LDLRAD2: variants seen among roughly 807,000 people sequenced by gnomAD.
LDLRAD2 encodes low-density lipoprotein receptor class A domain-containing protein 2.
A neutral mutation model predicts 24.9 loss-of-function variants in LDLRAD2; 25 were observed. The observed-to-expected ratio is 1.00, with a 90% CI of 0.73 to 1.40. LDLRAD2 has a LOEUF of 1.40. Ranked by LOEUF, LDLRAD2 falls within the 40% of genes most tolerant of loss-of-function variation. The pLI is 0.00. For synonymous variants in LDLRAD2, 182 were observed against 166.7 expected (o/e 1.09, Z -0.71); for missense variants, 391 against 366.2 (o/e 1.07, Z -0.55).
chr1:21,822,208 C>A lies in LDLRAD2; in HGVS notation c.812C>A (p.Thr271Asn). The A allele has an allele frequency of 6.2e-7, 1 of 1,614,178 alleles. No homozygotes were observed. Among genetic ancestry groups the A allele is most frequent in the Non-Finnish European group, 8.5e-7 (1 of 1,180,010 alleles). Reference sequence around the variant, plus strand: ...TGCTCTGCCCCATCCACAGGCTCCACTGAGTGAAGCCCTCATCAAAGACTC... The same window carrying A: ...TGCTCTGCCCCATCCACAGGCTCCAATGAGTGAAGCCCTCATCAAAGACTC... ...TRQDAALEGS[T>N]E The change falls in exon 5 of 5, where the codon ACT (threonine) becomes AAT (asparagine). Residue 271 changes from threonine to asparagine, a missense_variant. Transcript: ENST00000344642.
In LDLRAD2 at chr1:21,824,458, C is replaced by G; in HGVS notation, c.*2243C>G. Reference sequence around the variant, plus strand: ...AGGCCAGGGGGCTCTGCTTTCCCCTCCCCCCACCACTCCGGCCACCAGGAA... The same window carrying G: ...AGGCCAGGGGGCTCTGCTTTCCCCTGCCCCCACCACTCCGGCCACCAGGAA... On this transcript the variant is annotated 3_prime_UTR_variant, in exon 5 of 5. Coordinates refer to ENST00000344642, the MANE Select transcript of LDLRAD2 (RefSeq NM_001013693.3). The surrounding 1 kb of genome is among the most constrained non-coding windows in gnomAD (Gnocchi z 5.9). The G allele has an allele frequency of 6.3e-7, 1 of 1,591,826 alleles. No homozygotes were observed. The highest frequency in any genetic ancestry group is 8.6e-7 in the Non-Finnish European group (1 of 1,163,184).
At position 21,824,733 on chromosome 1, in the gene LDLRAD2, G is replaced by A. The variant is rs142729334; in HGVS notation, c.*2518G>A. 321 of 1,613,688 alleles carry A rather than the reference G, an allele frequency of 2.0e-4. 1 individual carries two copies. In the African/African-American group the frequency reaches 3.7e-3, roughly 19 times the overall value. On this transcript the variant is annotated 3_prime_UTR_variant, in exon 5 of 5. Transcript: ENST00000344642. The surrounding 1 kb of genome is among the most constrained non-coding windows in gnomAD (Gnocchi z 5.9). The stretch of plus-strand genomic sequence containing the variant: ...TGGAGAAGACATGGCCAGGGAAGGC[G>A]AGGAAGCCATCATCGTGGAAATAGG...
chr1:21,824,460 C>T lies in LDLRAD2; in HGVS notation c.*2245C>T, dbSNP rs1263502634. ...GCCAGGGGGCTCTGCTTTCCCCTCC[C>T]CCCACCACTCCGGCCACCAGGAAGC... On this transcript the variant is annotated 3_prime_UTR_variant, in exon 5 of 5. Transcript: ENST00000344642. This position sits in a 1 kb window ranked among gnomAD's most constrained non-coding sequence, Gnocchi z 5.9. 1.9e-6 allele frequency: 3 copies of T among 1,602,574 alleles called. No homozygotes were observed. The highest frequency in any genetic ancestry group is 2.7e-5 in the African/African-American group (2 of 74,738).
Position 21,816,085 on chromosome 1 carries a change from G to C in LDLRAD2, c.643+11G>C, listed in dbSNP as rs1173745244. 1.9e-6 allele frequency: 3 copies of C among 1,611,760 alleles called. No individual in the cohort carries two copies. Among genetic ancestry groups the C allele is most frequent in the East Asian group, 2.2e-5 (1 of 44,874 alleles). On this transcript the variant is annotated intron_variant, in intron 3 of 4. Coordinates refer to ENST00000344642, the MANE Select transcript of LDLRAD2 (RefSeq NM_001013693.3). Reference sequence around the variant, plus strand: ...CAGCTGACTGCAGAGGTCAGTGCGGGGTGTGGACTGGGCCCTACTGAACAG... The same window carrying C: ...CAGCTGACTGCAGAGGTCAGTGCGGCGTGTGGACTGGGCCCTACTGAACAG...
intron 1 of LDLRAD2, among the ~76,000 whole-genome samples, chr1:21,813,681 G>T (rs2097940734): frequency 6.6e-6 from 1 of 152,192 alleles, no homozygotes; most frequent in South Asian, 2.1e-4. Flanking sequence ...TGCTATTTCA[G>T]TTAAGAGTGG....
Position 21,823,332 on chromosome 1 carries a change from C to T in LDLRAD2, c.*1117C>T, listed in dbSNP as rs759458534. 9.1e-6 allele frequency: 14 copies of T among 1,540,524 alleles called. No homozygotes were observed. The highest frequency in any genetic ancestry group is 4.8e-5 in the South Asian group (4 of 84,016). On this transcript the variant is annotated 3_prime_UTR_variant, in exon 5 of 5. Transcript: ENST00000344642. ...GGCAGGTGCCTACGAGGGGCAGGGG[C>T]GTGTGTTGGCCCCGGCCTGGGCGCG... is the stretch of plus-strand genomic sequence containing the variant.
intron 3 of LDLRAD2, among the ~76,000 whole-genome samples, chr1:21,818,037 C>T (rs1256266499): frequency 2.0e-5 from 3 of 151,232 alleles, no homozygotes; most frequent in Non-Finnish European, 2.9e-5. Context: ...CCACCACGCT[C>T]AGCTAATTTT....
rs2097954985 is a variant in LDLRAD2 at position 21,822,687 on chromosome 1, G to A, written c.*472G>A. Reference sequence around the variant, plus strand: ...GGGACCCCAGGCTGTGTGCTGGCAGGAGGGGGTGGGAATGCAGGCCAGGAG... The same window carrying A: ...GGGACCCCAGGCTGTGTGCTGGCAGAAGGGGGTGGGAATGCAGGCCAGGAG... On this transcript the variant is annotated 3_prime_UTR_variant, in exon 5 of 5. Transcript: ENST00000344642. 5.8e-6 allele frequency: 1 copy of A among 171,284 alleles called. No individual in the cohort carries two copies. Among genetic ancestry groups the A allele is most frequent in the Admixed American group, 5.7e-5 (1 of 17,422 alleles). The allele number at this position is 171,284 out of a possible 1,614,324, so 10.6% of individuals were successfully genotyped here. A position where few individuals can be genotyped will look rare whatever the true frequency, so the allele number is the denominator to read the frequency against.
intron 2 of LDLRAD2, among the ~76,000 whole-genome samples, chr1:21,815,067 G>C (rs1193692765): frequency 1.3e-5 from 2 of 152,106 alleles, no homozygotes; most frequent in East Asian, 3.9e-4. Flanking sequence ...GGATGTGTGC[G>C]TCAGACTGTC....
rs2152677476 is a variant in LDLRAD2, at chr1:21,814,843, C to T, written c.511+20C>T. 4.1e-6 allele frequency: 6 copies of T among 1,463,814 alleles called. No individual in the cohort carries two copies. The highest frequency in any genetic ancestry group is 5.4e-6 in the Non-Finnish European group (6 of 1,116,786). 90.7% of individuals were successfully genotyped at this position (1,463,814 alleles called of 1,614,324 possible). ...GTCTGGGTGAGCTGGGGCTGAAGGC[C>T]GGGACGGGACCCTCTGCAGAGGCCA... On this transcript the variant is annotated intron_variant, in intron 2 of 4. Transcript: ENST00000344642.
chr1:21,818,796 G>A lies in LDLRAD2; in HGVS notation c.644-2654G>A, dbSNP rs529310337. On this transcript the variant is annotated intron_variant, in intron 3 of 4. Coordinates refer to ENST00000344642, the MANE Select transcript of LDLRAD2 (RefSeq NM_001013693.3). Reference sequence around the variant, plus strand: ...TCACATTCAGCAAAGGCAAAGCCTCGCCCGGGCTCAAAGGCCCTGCACGAT... The same window carrying A: ...TCACATTCAGCAAAGGCAAAGCCTCACCCGGGCTCAAAGGCCCTGCACGAT... 2.0e-3 allele frequency among the ~76,000 whole-genome samples: 305 copies of A among 151,992 alleles called. 1 individual carries two copies. The highest frequency in any genetic ancestry group is 3.0e-3 in the Non-Finnish European group (201 of 67,982).
chr1:21,819,442 C>A (rs2097947793), intron 3 of LDLRAD2, among the ~76,000 whole-genome samples: 3 of 151,614 alleles, frequency 2.0e-5, no homozygotes, highest in South Asian at 4.2e-4. Flanking sequence ...TCCTGTACAG[C>A]CTGCAGAACT....
Position 21,823,331 on chromosome 1 carries a change from G to A in LDLRAD2, c.*1116G>A. On this transcript the variant is annotated 3_prime_UTR_variant, in exon 5 of 5. Transcript: ENST00000344642. ...AGGCAGGTGCCTACGAGGGGCAGGG[G>A]CGTGTGTTGGCCCCGGCCTGGGCGC... 1 of 1,540,908 alleles carries A rather than the reference G, an allele frequency of 6.5e-7. No individual in the cohort carries two copies. Among genetic ancestry groups the A allele is most frequent in the Non-Finnish European group, 8.7e-7 (1 of 1,145,916 alleles).
At chr1:21,820,246 C>T (rs747689179) in intron 3 of LDLRAD2, among the ~76,000 whole-genome samples, 8 of 152,204 alleles carry the variant, frequency 5.3e-5, no homozygotes, top group Non-Finnish European at 1.2e-4. Flanking sequence ...GTAAGAAAAG[C>T]GGCAGCCCGC....
intron 3 of LDLRAD2, among the ~76,000 whole-genome samples, chr1:21,817,277 CT>C (rs2097944907): frequency 6.6e-6 from 1 of 152,210 alleles, no homozygotes; most frequent in South Asian, 2.1e-4. Context: ...TCCTTTGCCT[CT>C]GACAACACAG....
At position 21,823,721 on chromosome 1, in the gene LDLRAD2, TGCAGTGGA is replaced by T. The variant is rs2097958905; in HGVS notation, c.*1507_*1514del. On this transcript the variant is annotated 3_prime_UTR_variant, in exon 5 of 5. Coordinates refer to ENST00000344642, the MANE Select transcript of LDLRAD2 (RefSeq NM_001013693.3). Reference sequence around the variant, plus strand: ...TGGATGGAACCTCTGCGGCCCTCCCTGCAGTGGAACTGGGTCAGGCCCCTTTCCACAAA... The same window carrying T: ...TGGATGGAACCTCTGCGGCCCTCCCTACTGGGTCAGGCCCCTTTCCACAAA... 6.2e-7 allele frequency: 1 copy of T among 1,612,274 alleles called. No individual in the cohort carries two copies. The highest frequency in any genetic ancestry group is 1.7e-5 in the Admixed American group (1 of 59,996).
chr1:21,814,717 C>G lies in LDLRAD2; in HGVS notation c.405C>G (p.Ile135Met), dbSNP rs944792345. ...GGTCCCCACTGTGCGGCCTGAACATCCCGGTGCCTGTGGCATCCTCCGGAC... is the reference window on the plus strand; with the variant it reads ...GGTCCCCACTGTGCGGCCTGAACATGCCGGTGCCTGTGGCATCCTCCGGAC... ...PLGSPLCGLN[I>M]PVPVASSGPF... The change falls in exon 2 of 5, where the codon ATC becomes ATG. Residue 135 changes from isoleucine (I) to methionine (M), a missense_variant. Ile to Met is a conservative substitution (Grantham distance 10, BLOSUM62 1). Transcript: ENST00000344642. 1.3e-6 allele frequency: 2 copies of G among 1,557,656 alleles called. No individual in the cohort carries two copies. Among genetic ancestry groups the G allele is most frequent in the Admixed American group, 2.0e-5 (1 of 50,556 alleles).
Position 21,822,423 on chromosome 1 carries a change from C to T in LDLRAD2, c.*208C>T. 1 of 597,306 alleles carries T rather than the reference C, an allele frequency of 1.7e-6. No homozygotes were observed. Among genetic ancestry groups the T allele is most frequent in the Non-Finnish European group, 3.0e-6 (1 of 332,962 alleles). The allele number at this position is 597,306 out of a possible 1,614,324, so 37.0% of individuals were successfully genotyped here. Reference sequence around the variant, plus strand: ...CAGGGTGGTCATATCCCCCTCCTCTCTCTCTCAGTCGTGAGTCCTGCCTTC... The same window carrying T: ...CAGGGTGGTCATATCCCCCTCCTCTTTCTCTCAGTCGTGAGTCCTGCCTTC... On this transcript the variant is annotated 3_prime_UTR_variant, in exon 5 of 5. Transcript: ENST00000344642.
At chr1:21,813,301 TA>T (rs368808667) in intron 1 of LDLRAD2, among the ~76,000 whole-genome samples, 7,744 of 142,590 alleles carry the variant, frequency 0.054, 260 homozygotes, top group Middle Eastern at 0.071. Flanking sequence ...CTCAAAGAAA[TA>T]AAAAAAAAAA....
Sources: allele counts gnomAD v4.1 joint callset (sites outside exome capture counted in the v4.1 genomes callset), GRCh38; gene constraint gnomAD v4.1.1; non-coding constraint Gnocchi (gnomAD v3.1); transcripts MANE v1.5; gene names NCBI Gene and HGNC (gene_info 2026-07-23, HGNC 2026-07-21).